The following CADPS variants were observed in gnomAD, a reference collection of about 807,000 sequenced individuals.
CADPS encodes calcium-dependent secretion activator 1.
CADPS carries 57 observed loss-of-function variants against 167.3 expected under a neutral mutation model. The ratio of observed to expected loss-of-function variants is 0.34; its 90% CI spans 0.28 to 0.42. CADPS has a LOEUF of 0.42. CADPS is among the 20% of genes least tolerant of loss of function. CADPS has a pLI of 1.00. For missense variants in CADPS, 1,414 were observed against 1,738.1 expected, an observed-to-expected ratio of 0.81 and a Z score of 3.32; for synonymous variants, 676 against 635.3, an observed-to-expected ratio of 1.06 and a Z score of -0.96.
At chr3:62,726,152 C>T (rs1012026562) in intron 3 of CADPS, among the ~76,000 whole-genome samples, 1 of 151,786 alleles carries the variant, frequency 6.6e-6, no homozygotes, top group Non-Finnish European at 1.5e-5. Context: ...AAGCTCCATC[C>T]TTGGGTAATT....
chr3:62,700,789 TTAG>T (rs2081247686), intron 3 of CADPS, among the ~76,000 whole-genome samples: 1 of 152,064 alleles, frequency 6.6e-6, no homozygotes, highest in Non-Finnish European at 1.5e-5. Context: ...GGCTGCACAG[TTAG>T]TAGTAGAAGC....
intron 6 of CADPS, among the ~76,000 whole-genome samples, chr3:62,623,162 G>A (rs367966490): frequency 6.6e-6 from 1 of 152,116 alleles, no homozygotes; most frequent in African/African-American, 2.4e-5. Flanking sequence ...CTTTCTCTGG[G>A]AGTAAGTCCC....
chr3:62,528,337 G>A (rs1399918579), intron 13 of CADPS, among the ~76,000 whole-genome samples: 1 of 152,144 alleles, frequency 6.6e-6, no homozygotes. Context: ...CATCTATTGG[G>A]TGAGGGTAAT....
At chr3:62,605,648 G>T (rs1315806671) in intron 6 of CADPS, among the ~76,000 whole-genome samples, 1 of 152,186 alleles carries the variant, frequency 6.6e-6, no homozygotes, top group Non-Finnish European at 1.5e-5. Flanking sequence ...CTACCTGAGT[G>T]ATGCTGAACA....
chr3:62,634,226 C>T (rs984504738), intron 6 of CADPS, among the ~76,000 whole-genome samples: 4 of 151,748 alleles, frequency 2.6e-5, no homozygotes, highest in Non-Finnish European at 5.9e-5. Flanking sequence ...TTCTGCTTTG[C>T]ATCATTATTT....
intron 1 of CADPS, among the ~76,000 whole-genome samples, chr3:62,826,863 GA>G (rs1472358972): frequency 2.6e-5 from 4 of 152,152 alleles, no homozygotes; most frequent in Non-Finnish European, 5.9e-5. Context: ...TTCCTTCCTT[GA>G]AAGGGGTGGA....
chr3:62,733,802 T>C (rs756314881), intron 3 of CADPS, among the ~76,000 whole-genome samples: 22 of 152,120 alleles, frequency 1.4e-4, no homozygotes, highest in Non-Finnish European at 2.9e-4. Flanking sequence ...CCGAGCAGTA[T>C]ACGCGATACC....
intron 21 of CADPS, among the ~76,000 whole-genome samples, chr3:62,490,939 C>A (rs2063584050): frequency 6.6e-6 from 1 of 152,078 alleles, no homozygotes; most frequent in African/African-American, 2.4e-5. Flanking sequence ...TAGTATATGG[C>A]CTTTTATAGA....
chr3:62,621,792 C>CGT (rs2063214941), intron 6 of CADPS, among the ~76,000 whole-genome samples: 1 of 152,048 alleles, frequency 6.6e-6, no homozygotes, highest in South Asian at 2.1e-4. Context: ...TCTATACCTC[C>CGT]GTGAGTTCCC....
intron 3 of CADPS, among the ~76,000 whole-genome samples, chr3:62,683,623 T>C (rs2077496014): frequency 6.6e-6 from 1 of 152,076 alleles, no homozygotes; most frequent in Admixed American, 6.6e-5. Flanking sequence ...TAACTAAAGT[T>C]CTTAATTTAT....
intron 6 of CADPS, among the ~76,000 whole-genome samples, chr3:62,604,053 A>G (rs2060350391): frequency 6.6e-6 from 1 of 151,148 alleles, no homozygotes. Context: ...GATGGTCTCG[A>G]TCTCCTGACC....
chr3:62,573,648 C>G (rs528805879), intron 8 of CADPS, among the ~76,000 whole-genome samples: 91 of 152,332 alleles, frequency 6.0e-4, no homozygotes, highest in Non-Finnish European at 1.1e-3. Context: ...ACAACCTATG[C>G]TGCCTGGGAT....
intron 6 of CADPS, among the ~76,000 whole-genome samples, chr3:62,639,045 C>T (rs2066890604): frequency 6.6e-6 from 1 of 152,106 alleles, no homozygotes; most frequent in African/African-American, 2.4e-5. Flanking sequence ...CCACCTTCAC[C>T]CTCCAGCTCA....
rs144667064 is a variant in CADPS at position 62,418,934 on chromosome 3, G to T, written c.3778-15749C>A. On this transcript the variant is annotated intron_variant, in intron 28 of 29. Transcript: ENST00000383710. ...AAAATGTAACCAATGGTCAAACCCT[G>T]AATGAAAAATGGAACATGGGCCAGA... Among the ~76,000 whole-genome samples, 24 of 152,246 alleles carry T rather than the reference G, an allele frequency of 1.6e-4. No homozygotes were observed. The East Asian group carries it at 3.1e-3, about 20-fold the overall frequency.
intron 21 of CADPS, among the ~76,000 whole-genome samples, chr3:62,486,708 C>T (rs978567829): frequency 9.2e-5 from 14 of 151,948 alleles, no homozygotes; most frequent in Non-Finnish European, 1.8e-4. Flanking sequence ...AAGGGTGAGC[C>T]GATGGTAAAG....
chr3:62,517,671 C>A (rs1460401521), intron 14 of CADPS, among the ~76,000 whole-genome samples: 2 of 152,116 alleles, frequency 1.3e-5, no homozygotes, highest in Non-Finnish European at 2.9e-5. Context: ...AATCTGCTGG[C>A]TCTCTTGAGT....
At chr3:62,432,990 C>T (rs2054271050) in intron 28 of CADPS, among the ~76,000 whole-genome samples, 1 of 152,078 alleles carries the variant, frequency 6.6e-6, no homozygotes, top group South Asian at 2.1e-4. Flanking sequence ...TGCACCTCTC[C>T]CCACTTCATA....
intron 3 of CADPS, among the ~76,000 whole-genome samples, chr3:62,673,246 G>A (rs2075834426): frequency 6.6e-6 from 1 of 152,178 alleles, no homozygotes; most frequent in Non-Finnish European, 1.5e-5. Context: ...GGGATGTTTT[G>A]AGGAGTTAAG....
chr3:62,644,997 A>G (rs1478193408), intron 6 of CADPS, among the ~76,000 whole-genome samples: 2 of 152,222 alleles, frequency 1.3e-5, no homozygotes, highest in Non-Finnish European at 2.9e-5. Context: ...TACCTTGTAC[A>G]CACACATTTG....
Sources: gnomAD v4.1 joint callset for allele counts (sites outside exome capture counted in the v4.1 genomes callset) on GRCh38, gnomAD v4.1.1 for gene constraint, MANE v1.5 for transcripts, NCBI Gene and HGNC (gene_info 2026-07-23, HGNC 2026-07-21) for gene names.